TEX11: variants seen among roughly 807,000 people sequenced by gnomAD.
The protein encoded by TEX11 is testis expressed 11.
In TEX11, 7 loss-of-function variants were observed where a neutral mutation model predicts 84.4. That is an observed-to-expected ratio of 0.08 (90% CI 0.05 to 0.16). The LOEUF is 0.16. TEX11 is among the 10% of genes least tolerant of loss of function. The pLI is 1.00. For missense variants in TEX11, 551 were observed against 660.5 expected, an observed-to-expected ratio of 0.83 and a Z score of 1.82; for synonymous variants, 264 against 222.8, an observed-to-expected ratio of 1.18 and a Z score of -1.64.
chrX:70,570,402 C>T (rs967969016), intron 25 of TEX11, among the ~76,000 whole-genome samples: 3 of 111,976 alleles, frequency 2.7e-5, no homozygotes, highest in Admixed American at 1.9e-4. Flanking sequence ...ACTCACGGTG[C>T]GCTGCACCCA....
chrX:70,814,138 T>C (rs1019930674), intron 8 of TEX11, among the ~76,000 whole-genome samples: 2 of 111,704 alleles, frequency 1.8e-5, no homozygotes, highest in African/African-American at 3.3e-5. Context: ...GAGCCCGCAT[T>C]GCCAAGTCAG....
intron 8 of TEX11, among the ~76,000 whole-genome samples, chrX:70,818,940 T>C (rs1374062694): frequency 9.0e-6 from 1 of 111,243 alleles, no homozygotes; most frequent in Non-Finnish European, 1.9e-5. Context: ...AGAGATTGAA[T>C]CAATAATTTT....
At chrX:70,607,069 T>C (rs2089203332) in intron 22 of TEX11, 40 bp from the exon 23 acceptor site, 1 of 1,038,984 alleles carries the variant, frequency 9.6e-7, no homozygotes, top group Non-Finnish European at 1.3e-6. Context: ...TATGAAATTA[T>C]GAAAATCTAC....
chrX:70,859,993 G>A (rs2091560639), intron 5 of TEX11, among the ~76,000 whole-genome samples: 1 of 112,031 alleles, frequency 8.9e-6, no homozygotes. Context: ...TCCAGCCAGG[G>A]TGACTCCCTC....
Position 70,750,921 on chromosome X carries a change from T to TAAA in TEX11, c.693-6705_693-6703dup, listed in dbSNP as rs1181422597. ...ATGTATCCTAAAACTTAAAGTATAA[T>TAAA]AAAAAAAAAAAAATATATATATATA... On this transcript the variant is annotated intron_variant, in intron 9 of 29. Coordinates refer to ENST00000374333, the MANE Select transcript of TEX11 (RefSeq NM_031276.3). Among the ~76,000 whole-genome samples, 64 of 35,333 alleles carry TAAA rather than the reference T, an allele frequency of 1.8e-3. 2 individuals carry two copies. The highest frequency in any genetic ancestry group is 4.8e-3 in the African/African-American group (49 of 10,236). The allele number at this position is 35,333 out of a possible 115,157, so 30.7% of individuals were successfully genotyped here.
At chrX:70,907,614 G>A (rs979380472) in intron 2 of TEX11, 139 bp downstream of exon 2, 6 of 445,391 alleles carry the variant, frequency 1.3e-5, no homozygotes, top group South Asian at 3.5e-5. Context: ...GGCTGGTCTC[G>A]AGCCCCTGAC....
At chrX:70,792,985 T>C (rs2091133891) in intron 9 of TEX11, among the ~76,000 whole-genome samples, 1 of 111,396 alleles carries the variant, frequency 9.0e-6, no homozygotes, top group Non-Finnish European at 1.9e-5. Context: ...CATTAAAAAG[T>C]TAATTCACCA....
At chrX:70,564,985 C>A (rs2088439822) in intron 25 of TEX11, among the ~76,000 whole-genome samples, 1 of 107,839 alleles carries the variant, frequency 9.3e-6, no homozygotes, top group African/African-American at 3.4e-5. Context: ...GCCACACTGA[C>A]TTCCACAATG....
chrX:70,722,360 C>A (rs1259563200), intron 13 of TEX11, among the ~76,000 whole-genome samples: 1 of 112,240 alleles, frequency 8.9e-6, no homozygotes, highest in Non-Finnish European at 1.9e-5. Flanking sequence ...TAACCTTGAA[C>A]TGCTGGGCTC....
intron 25 of TEX11, among the ~76,000 whole-genome samples, chrX:70,581,294 C>CTTTTTTT (rs35102694): frequency 2.3e-5 from 1 of 43,631 alleles, no homozygotes; most frequent in African/African-American, 8.7e-5. Context: ...TATACTGTTG[C>CTTTTTTT]TTTTTTTTTT....
intron 17 of TEX11, among the ~76,000 whole-genome samples, chrX:70,647,820 G>C (rs1260930222): frequency 8.9e-6 from 1 of 111,810 alleles, no homozygotes; most frequent in Non-Finnish European, 1.9e-5. Context: ...TGGTGGGACT[G>C]TAAACTAGTT....
At chrX:70,567,307 T>C (rs2088502194) in intron 25 of TEX11, among the ~76,000 whole-genome samples, 1 of 111,612 alleles carries the variant, frequency 9.0e-6, no homozygotes, top group Non-Finnish European at 1.9e-5. Flanking sequence ...TCTTCCTTAT[T>C]AGTCTTGCTA....
At chrX:70,782,017 C>G (rs1041288944) in intron 9 of TEX11, among the ~76,000 whole-genome samples, 2 of 111,185 alleles carry the variant, frequency 1.8e-5, no homozygotes, top group African/African-American at 6.5e-5. Flanking sequence ...ACATAATTGT[C>G]AGATTCACCA....
In TEX11 at chrX:70,714,166, A is replaced by G. The variant is rs1330717095; in HGVS notation, c.1004+8452T>C. ...ACTGTGGTCTGAGAGACAGTTTGTT[A>G]TAATTTCTGTTCTTTTACATTTGCT... On this transcript the variant is annotated intron_variant, in intron 13 of 29. Coordinates refer to ENST00000374333, the MANE Select transcript of TEX11 (RefSeq NM_031276.3). Among the ~76,000 whole-genome samples, 11 of 111,418 alleles carry G rather than the reference A, an allele frequency of 9.9e-5. No individual in the cohort carries two copies. In the East Asian group the frequency reaches 3.1e-3, roughly 31 times the overall value.
intron 25 of TEX11, among the ~76,000 whole-genome samples, chrX:70,590,208 A>G (rs1603111762): frequency 8.9e-6 from 1 of 111,794 alleles, no homozygotes; most frequent in Admixed American, 9.5e-5. Flanking sequence ...GGTTTTCTCT[A>G]TCTTTACTTT....
At chrX:70,642,752 T>C (rs2147590863) in intron 17 of TEX11, among the ~76,000 whole-genome samples, 1 of 55,873 alleles carries the variant, frequency 1.8e-5, no homozygotes, top group African/African-American at 6.9e-5. Context: ...ATAAATTAGG[T>C]ATTGATGGGA....
intron 28 of TEX11, among the ~76,000 whole-genome samples, chrX:70,537,940 A>C (rs78220938): frequency 0.085 from 9,444 of 111,254 alleles, 474 homozygotes; most frequent in Admixed American, 0.25. Context: ...TATAGGTTTT[A>C]AGTGAAGAGA....
chrX:70,741,015 G>A (rs1321898711), intron 10 of TEX11, among the ~76,000 whole-genome samples: 2 of 110,412 alleles, frequency 1.8e-5, no homozygotes, highest in African/African-American at 6.6e-5. Context: ...CTATATTCCT[G>A]GCTTATTTAC....
chrX:70,702,548 T>C (rs138188309), intron 13 of TEX11, among the ~76,000 whole-genome samples: 1 of 112,036 alleles, frequency 8.9e-6, no homozygotes, highest in Non-Finnish European at 1.9e-5. Flanking sequence ...TGGAACCAAA[T>C]GCATATCTCT....
Sources: gnomAD v4.1 joint callset for allele counts (sites outside exome capture counted in the v4.1 genomes callset) on GRCh38, gnomAD v4.1.1 for gene constraint, MANE v1.5 for transcripts, NCBI Gene and HGNC (gene_info 2026-07-23, HGNC 2026-07-21) for gene names.